The following GTF2IRD1 variants were observed in gnomAD, a reference collection of about 807,000 sequenced individuals.
The protein encoded by GTF2IRD1 is GTF2I repeat domain containing 1.
Under a neutral mutation model 113.2 loss-of-function variants are expected in GTF2IRD1, and 26 were observed. The observed-to-expected ratio is 0.23, with a 90% CI of 0.17 to 0.32. The LOEUF (loss-of-function observed/expected upper bound fraction) is 0.32, where lower values mean the gene tolerates loss of function less well. Ranked by LOEUF, GTF2IRD1 falls within the 10% of genes least tolerant of loss-of-function variation. GTF2IRD1 has a pLI of 1.00. For missense variants in GTF2IRD1, 864 were observed against 1,280.8 expected (o/e 0.67, Z 4.97); for synonymous variants, 484 against 529.1 (o/e 0.91, Z 1.17).
At chr7:74,592,195 G>T (rs1387597949) in intron 24 of GTF2IRD1, among the ~76,000 whole-genome samples, 4 of 150,846 alleles carry the variant, frequency 2.7e-5, no homozygotes, top group African/African-American at 9.7e-5. Context: ...CACCGCCCAG[G>T]TTCAAGCAAT....
intron 1 of GTF2IRD1, among the ~76,000 whole-genome samples, chr7:74,489,377 C>T (rs868982455): frequency 2.6e-5 from 4 of 151,966 alleles, no homozygotes; most frequent in African/African-American, 9.7e-5. Context: ...GAGTCTTGCT[C>T]TGTTGCCCAG....
At chr7:74,578,336 C>A (rs782798203) in intron 22 of GTF2IRD1, among the ~76,000 whole-genome samples, 2 of 152,192 alleles carry the variant, frequency 1.3e-5, no homozygotes, top group African/African-American at 4.8e-5. Context: ...TAGGTGCCCG[C>A]CACCACGCCC....
chr7:74,558,491 C>T (rs1799753188), intron 20 of GTF2IRD1, among the ~76,000 whole-genome samples: 1 of 150,780 alleles, frequency 6.6e-6, no homozygotes, highest in South Asian at 2.1e-4. Flanking sequence ...TCCCAAGTGG[C>T]TGGAACTACA....
At chr7:74,535,653 A>G (rs1354260535) in intron 10 of GTF2IRD1, among the ~76,000 whole-genome samples, 1 of 152,066 alleles carries the variant, frequency 6.6e-6, no homozygotes, top group East Asian at 1.9e-4. Flanking sequence ...CAAAAGCATC[A>G]CGGTTCTTGG....
chr7:74,543,872 C>CAA (rs782039486), intron 14 of GTF2IRD1, among the ~76,000 whole-genome samples: 677 of 34,450 alleles, frequency 0.02, 27 homozygotes, highest in African/African-American at 0.042. Flanking sequence ...CCCATCTCTA[C>CAA]AAAAAAAAAA....
At chr7:74,600,036 C>G (rs1365502867) in intron 25 of GTF2IRD1, among the ~76,000 whole-genome samples, 3 of 152,188 alleles carry the variant, frequency 2.0e-5, no homozygotes, top group Non-Finnish European at 2.9e-5. Flanking sequence ...TGAATAGGAT[C>G]TTGGAGGGTT....
chr7:74,482,420 GTC>G (rs1300986009), intron 1 of GTF2IRD1, among the ~76,000 whole-genome samples: 1 of 151,642 alleles, frequency 6.6e-6, no homozygotes, highest in Non-Finnish European at 1.5e-5. Context: ...TAGAGTCAGG[GTC>G]TCTCTGTGTT....
intron 1 of GTF2IRD1, among the ~76,000 whole-genome samples, chr7:74,460,846 C>T (rs561114602): frequency 5.3e-5 from 8 of 152,200 alleles, no homozygotes; most frequent in Non-Finnish European, 8.8e-5. Context: ...GAGACCCCGC[C>T]ACGGGGGCGG....
intron 11 of GTF2IRD1, 152 bp downstream of exon 11, chr7:74,536,427 A>C (rs1798302498): frequency 1.7e-6 from 1 of 583,462 alleles, no homozygotes; most frequent in African/African-American, 1.9e-5. Flanking sequence ...GACTCCACCT[A>C]CTTCCCTCTG....
At chr7:74,575,572 G>C (rs1328898573) in intron 22 of GTF2IRD1, among the ~76,000 whole-genome samples, 1 of 152,242 alleles carries the variant, frequency 6.6e-6, no homozygotes, top group Non-Finnish European at 1.5e-5. Context: ...GCCTGTGGCG[G>C]CAGTGGGGTG....
rs781954869 is a variant in GTF2IRD1 at position 74,518,133 on chromosome 7, C to T, written c.422-6C>T. The T allele has an allele frequency of 1.9e-6, 3 of 1,552,842 alleles. No homozygotes were observed. The highest frequency in any genetic ancestry group is 1.4e-5 in the African/African-American group (1 of 73,270). Reference sequence around the variant, plus strand: ...CCAGGCCCCTCTCCTGGACTCTCCCCTACAGGCGAGGCCCTGGGAAGGGCC... The same window carrying T: ...CCAGGCCCCTCTCCTGGACTCTCCCTTACAGGCGAGGCCCTGGGAAGGGCC... On this transcript the variant is annotated splice_polypyrimidine_tract_variant and splice_region_variant and intron_variant, in intron 4 of 26. Transcript: ENST00000424337.
intron 22 of GTF2IRD1, among the ~76,000 whole-genome samples, chr7:74,589,358 CAAAAA>C (rs1214609089): frequency 6.6e-6 from 1 of 151,382 alleles, no homozygotes; most frequent in Non-Finnish European, 1.5e-5. Context: ...GACCGTGTCT[CAAAAA>C]AAGAAAAATG....
At chr7:74,564,888 G>A (rs782731788) in intron 22 of GTF2IRD1, among the ~76,000 whole-genome samples, 6 of 152,292 alleles carry the variant, frequency 3.9e-5, no homozygotes, top group Admixed American at 6.5e-5. Context: ...GCGGGCAGGC[G>A]TCTAGCTTGA....
At chr7:74,551,518 G>A (rs587711917) in intron 17 of GTF2IRD1, among the ~76,000 whole-genome samples, 124 of 152,348 alleles carry the variant, frequency 8.1e-4, no homozygotes, top group African/African-American at 2.9e-3. Context: ...ATGTCAGGTA[G>A]AGATAACTGC....
At position 74,518,165 on chromosome 7, in the gene GTF2IRD1, G is replaced by A; in HGVS notation, c.448G>A (p.Val150Met). The change falls in exon 5 of 27, where the codon GTG (valine) becomes ATG (methionine). Residue 150 changes from valine to methionine, a missense_variant. Physicochemically the swap from Val to Met is conservative, Grantham distance 21. Coordinates refer to ENST00000424337, the MANE Select transcript of GTF2IRD1 (RefSeq NM_005685.4). ...YSEALGRASV[V>M]PLPYERLLRE... ...CGAGGCCCTGGGAAGGGCCAGTGTG[G>A]TGCCACTGCCCTATGAGAGGCTGCT... The A allele has an allele frequency of 6.2e-7, 1 of 1,601,562 alleles. No individual in the cohort carries two copies. Among genetic ancestry groups the A allele is most frequent in the Non-Finnish European group, 8.5e-7 (1 of 1,172,634 alleles).
At chr7:74,458,604 G>A (rs146001653) in intron 1 of GTF2IRD1, among the ~76,000 whole-genome samples, 6 of 152,080 alleles carry the variant, frequency 3.9e-5, no homozygotes, top group African/African-American at 1.4e-4. Flanking sequence ...GGTAATGTGG[G>A]TTTTGGAGGC....
At chr7:74,543,237 G>A (rs1350722817) in intron 14 of GTF2IRD1, among the ~76,000 whole-genome samples, 4 of 152,204 alleles carry the variant, frequency 2.6e-5, no homozygotes, top group Non-Finnish European at 5.9e-5. Context: ...AGGAGGCAGA[G>A]GTTGCAGTGA....
chr7:74,529,608 C>T, intron 8 of GTF2IRD1, 126 bp from the exon 9 acceptor site: 1 of 693,590 alleles, frequency 1.4e-6, no homozygotes, highest in Non-Finnish European at 2.4e-6. Context: ...CTGCAGGATC[C>T]CTCTGGCCGC....
At chr7:74,571,191 T>C (rs1800674847) in intron 22 of GTF2IRD1, 1 of 830,010 alleles carries the variant, frequency 1.2e-6, no homozygotes, top group African/African-American at 1.8e-5. Context: ...CAGGCTTGCC[T>C]ACCTGGGCCT....
Sources: allele counts gnomAD v4.1 joint callset (sites outside exome capture counted in the v4.1 genomes callset), GRCh38; gene constraint gnomAD v4.1.1; transcripts MANE v1.5; gene names NCBI Gene and HGNC (gene_info 2026-07-23, HGNC 2026-07-21).